The following ACTR3C variants were observed in gnomAD, a reference collection of about 807,000 sequenced individuals.
ACTR3C encodes actin related protein 3C.
In ACTR3C, 18 loss-of-function variants were observed where a neutral mutation model predicts 26.3. The ratio of observed to expected loss-of-function variants is 0.68; its 90% CI spans 0.47 to 1.01. The LOEUF is 1.01. ACTR3C is among the 50% of genes least tolerant of loss of function. The pLI is 0.00. For synonymous variants in ACTR3C, 55 were observed against 94.5 expected, an observed-to-expected ratio of 0.58 and a Z score of 2.42; for missense variants, 184 against 250.7, an observed-to-expected ratio of 0.73 and a Z score of 1.80.
At chr7:150,222,800 A>T in the ACTR3C span, among the ~76,000 whole-genome samples, 3 of 152,252 alleles carry the variant, frequency 2.0e-5, no homozygotes, top group African/African-American at 7.2e-5. Flanking sequence ...TATGTCACTT[A>T]TGTGACAATA....
chr7:150,009,750 T>C, the ACTR3C span, among the ~76,000 whole-genome samples: 1 of 152,208 alleles, frequency 6.6e-6, no homozygotes, highest in Non-Finnish European at 1.5e-5. Flanking sequence ...GATCACTCAC[T>C]GTTAAAAAGG....
At chr7:150,080,026 C>A in the ACTR3C span, among the ~76,000 whole-genome samples, 2 of 152,140 alleles carry the variant, frequency 1.3e-5, no homozygotes, top group African/African-American at 4.8e-5. Flanking sequence ...ATGCTAGAGA[C>A]AAGTCAGCAC....
chr7:150,303,081 TGATGG>T (rs1795554608), intron 1 of ACTR3C: 1 of 152,206 alleles, frequency 6.6e-6, no homozygotes, highest in African/African-American at 2.4e-5. Context: ...CACTGATCTA[TGATGG>T]GAAATGGCAA....
the ACTR3C span, among the ~76,000 whole-genome samples, chr7:149,994,863 TTGA>T: frequency 6.7e-6 from 1 of 149,802 alleles, no homozygotes; most frequent in Non-Finnish European, 1.5e-5. Flanking sequence ...TTTTTTTTTT[TTGA>T]GATGGAGTAT....
chr7:150,048,021 C>A, the ACTR3C span, among the ~76,000 whole-genome samples: 3 of 152,264 alleles, frequency 2.0e-5, no homozygotes, highest in African/African-American at 7.2e-5. Context: ...GCGCCACTCG[C>A]GAGTCTCCGC....
chr7:149,887,275 G>T, the ACTR3C span, among the ~76,000 whole-genome samples: 558 of 152,226 alleles, frequency 3.7e-3, 5 homozygotes, highest in Admixed American at 0.019. Flanking sequence ...TGACACAAAA[G>T]AATTCACAGA....
chr7:149,898,350 C>T, the ACTR3C span, among the ~76,000 whole-genome samples: 1 of 152,242 alleles, frequency 6.6e-6, no homozygotes, highest in Non-Finnish European at 1.5e-5. Context: ...ATACTATCCT[C>T]TAGGCAAGAT....
the ACTR3C span, among the ~76,000 whole-genome samples, chr7:150,204,469 G>T: frequency 1.6e-3 from 238 of 150,568 alleles, no homozygotes; most frequent in Middle Eastern, 0.017. Flanking sequence ...GAGAGAAAAG[G>T]CTAAAAGCCA....
chr7:150,144,735 C>G, the ACTR3C span, among the ~76,000 whole-genome samples: 1 of 152,090 alleles, frequency 6.6e-6, no homozygotes, highest in Non-Finnish European at 1.5e-5. This position sits in a 1 kb window ranked among gnomAD's most constrained non-coding sequence, Gnocchi z 4.6. Flanking sequence ...GCTCTATATT[C>G]TAACTGAAAC....
the ACTR3C span, among the ~76,000 whole-genome samples, chr7:150,070,381 T>G: frequency 6.6e-6 from 1 of 152,216 alleles, no homozygotes; most frequent in Non-Finnish European, 1.5e-5. Flanking sequence ...GAAATCAGTT[T>G]GGAAGATGTG....
At chr7:150,011,006 C>T in the ACTR3C span, among the ~76,000 whole-genome samples, 6 of 146,132 alleles carry the variant, frequency 4.1e-5, no homozygotes, top group East Asian at 8.0e-4. Flanking sequence ...ATACCCTGCT[C>T]GGCATGCTGT....
the ACTR3C span, among the ~76,000 whole-genome samples, chr7:150,095,991 G>A: frequency 1.4e-5 from 2 of 148,078 alleles, no homozygotes; most frequent in South Asian, 4.3e-4. Context: ...CCCTCTCGAA[G>A]GCAATCTTTG....
intron 6 of ACTR3C, among the ~76,000 whole-genome samples, chr7:150,249,711 T>TC (rs1379708710): frequency 2.6e-5 from 4 of 152,222 alleles, no homozygotes; most frequent in Non-Finnish European, 4.4e-5. Context: ...TGCCTCGGCC[T>TC]CCCATTGTGC....
At chr7:150,236,685 T>G in the ACTR3C span, among the ~76,000 whole-genome samples, 7 of 151,872 alleles carry the variant, frequency 4.6e-5, no homozygotes, top group African/African-American at 1.7e-4. Context: ...TTCCCACCAA[T>G]CAGAAGACTG....
chr7:149,999,594 G>A, the ACTR3C span, among the ~76,000 whole-genome samples: 1 of 151,400 alleles, frequency 6.6e-6, no homozygotes, highest in Non-Finnish European at 1.5e-5. Flanking sequence ...CCGCCTGACT[G>A]TGGATATGTA....
the ACTR3C span, among the ~76,000 whole-genome samples, chr7:150,033,689 C>CCGCTGGG: frequency 3.7e-5 from 5 of 135,116 alleles, no homozygotes; most frequent in South Asian, 9.6e-4. Context: ...GTGCCTCCCC[C>CCGCTGGG]ACTTGCGATG....
At chr7:150,297,561 CT>C (rs1166047516) in intron 1 of ACTR3C, among the ~76,000 whole-genome samples, 15 of 152,200 alleles carry the variant, frequency 9.9e-5, no homozygotes, top group Admixed American at 3.3e-4. Context: ...GGAATAAAGA[CT>C]TTTCTTTGGC....
At chr7:150,127,150 ACACACACACACACACACACACAC>A in the ACTR3C span, among the ~76,000 whole-genome samples, 2 of 87,468 alleles carry the variant, frequency 2.3e-5, no homozygotes, top group African/African-American at 8.6e-5. Context: ...ACACACACAC[ACACACACACACACACACACACAC>A]ACACACACAC....
At chr7:150,277,907 C>T (rs544755964) in intron 6 of ACTR3C, among the ~76,000 whole-genome samples, 1 of 152,306 alleles carries the variant, frequency 6.6e-6, no homozygotes, top group East Asian at 1.9e-4. Flanking sequence ...GGTCACATTA[C>T]ACTCCTGCAG....
Sources: allele counts gnomAD v4.1 joint callset (sites outside exome capture counted in the v4.1 genomes callset), GRCh38; gene constraint gnomAD v4.1.1; non-coding constraint Gnocchi (gnomAD v3.1); transcripts MANE v1.5; gene names NCBI Gene and HGNC (gene_info 2026-07-23, HGNC 2026-07-21).